The following VDAC3 variants were observed in gnomAD, a reference collection of about 807,000 sequenced individuals.
VDAC3 encodes non-selective voltage-gated ion channel VDAC3.
In VDAC3, 7 loss-of-function variants were observed where a neutral mutation model predicts 33.9. The ratio of observed to expected loss-of-function variants is 0.21; its 90% CI spans 0.12 to 0.39. VDAC3 has a LOEUF of 0.39. Ranked by LOEUF, VDAC3 falls within the 10% of genes least tolerant of loss-of-function variation. The probability of loss-of-function intolerance (pLI) is 1.00; values close to 1 mark genes in which losing one functional copy is unlikely to be tolerated. For synonymous variants in VDAC3, 100 were observed against 122.4 expected, an observed-to-expected ratio of 0.82 and a Z score of 1.21; for missense variants, 261 against 334.5, an observed-to-expected ratio of 0.78 and a Z score of 1.71.
intron 1 of VDAC3, among the ~76,000 whole-genome samples, chr8:42,392,850 C>A (rs1824894202): frequency 6.6e-6 from 1 of 152,154 alleles, no homozygotes; most frequent in Non-Finnish European, 1.5e-5. Flanking sequence ...TTACAGACTT[C>A]TGGCAAAATT....
chr8:42,398,091 T>G (rs1455839622), intron 4 of VDAC3, among the ~76,000 whole-genome samples: 1 of 152,258 alleles, frequency 6.6e-6, no homozygotes, highest in East Asian at 1.9e-4. Flanking sequence ...AATCTTTTTT[T>G]AGGTCATGAA....
chr8:42,405,797 T>G lies in VDAC3; in HGVS notation c.*335T>G, dbSNP rs1802491318. 4.7e-6 allele frequency: 1 copy of G among 213,788 alleles called. No individual in the cohort carries two copies. Among genetic ancestry groups the G allele is most frequent in the East Asian group, 1.3e-4 (1 of 7,960 alleles). The allele number at this position is 213,788 out of a possible 1,614,324, so 13.2% of individuals were successfully genotyped here. A position where few individuals can be genotyped will look rare whatever the true frequency, so the allele number is the denominator to read the frequency against. ...ATCACGTCCTGCATGTCCCACACCA[T>G]TTTTTCATGACCTTGTAATATACTG... On this transcript the variant is annotated 3_prime_UTR_variant, in exon 10 of 10. Transcript: ENST00000022615.
rs751166333 is a variant in VDAC3 at position 42,398,863 on chromosome 8, A to C, written c.269A>C (p.Lys90Thr). Residue 90 changes from lysine to threonine, a missense_variant and splice_region_variant, in exon 5 of 10, where the codon AAG (lysine) becomes ACG (threonine). Physicochemically the swap from Lys to Thr is moderately conservative, Grantham distance 78. Transcript: ENST00000022615. The stretch of plus-strand genomic sequence containing the variant: ...GGGACAGAAATCTCTTGGGAGAATA[A>C]GGTAAGAGAACGCATTAGAAGTTAT... The part of the protein sequence containing the change: ...TLGTEISWEN[K>T]LAEGLKLTLD... 1 of 1,613,470 alleles carries C rather than the reference A, an allele frequency of 6.2e-7. No homozygotes were observed. The highest frequency in any genetic ancestry group is 8.5e-7 in the Non-Finnish European group (1 of 1,179,830).
chr8:42,403,276 A>G (rs1478288435), intron 7 of VDAC3, 35 bp from the exon 8 acceptor site: 1 of 1,611,676 alleles, frequency 6.2e-7, no homozygotes, highest in Non-Finnish European at 8.5e-7. Flanking sequence ...GGTACAAACT[A>G]GATATTTATG....
Position 42,394,277 on chromosome 8 carries a change from T to C in VDAC3, c.66T>C (p.Tyr22=). ...CTAAGGATGTCTTCAACAAAGGATA[T>C]GGTAAGTATGCTATTGTAACTTTCC... ...KAAKDVFNKG[Y]GFGMVKIDLK... is the part of the protein sequence containing the mutation. The change falls in exon 3 of 10, where the codon TAT becomes TAC. Residue 22 remains tyrosine, a splice_region_variant and synonymous_variant. Transcript: ENST00000022615. The C allele has an allele frequency of 1.9e-6, 3 of 1,613,124 alleles. No homozygotes were observed. The highest frequency in any genetic ancestry group is 2.5e-6 in the Non-Finnish European group (3 of 1,179,392).
chr8:42,404,658 G>T (rs1039824243), intron 8 of VDAC3, among the ~76,000 whole-genome samples: 8 of 150,338 alleles, frequency 5.3e-5, no homozygotes, highest in Non-Finnish European at 7.4e-5. Context: ...GGAAGCGGAG[G>T]TTGCAGTGAG....
At chr8:42,404,254 C>T (rs1802464540) in intron 8 of VDAC3, among the ~76,000 whole-genome samples, 1 of 152,126 alleles carries the variant, frequency 6.6e-6, no homozygotes. Context: ...ACAATTGAAC[C>T]TAGGTCTGTT....
chr8:42,401,428 C>G (rs890386424), intron 6 of VDAC3, among the ~76,000 whole-genome samples: 1 of 152,196 alleles, frequency 6.6e-6, no homozygotes, highest in African/African-American at 2.4e-5. Context: ...ATCTCCTGGC[C>G]TCGTCATCCG....
chr8:42,395,155 A>G (rs1000638835), intron 4 of VDAC3, 22 bp downstream of exon 4: 3 of 1,613,442 alleles, frequency 1.9e-6, no homozygotes, highest in African/African-American at 1.3e-5. Context: ...ATATATTTTT[A>G]ATGAATGTAA....
intron 4 of VDAC3, among the ~76,000 whole-genome samples, chr8:42,397,817 A>G (rs1802342733): frequency 6.6e-6 from 1 of 152,248 alleles, no homozygotes; most frequent in Non-Finnish European, 1.5e-5. Flanking sequence ...GAAATTGTCT[A>G]AGCAGAAGTT....
At chr8:42,392,422 C>A (rs1824886428) in intron 1 of VDAC3, among the ~76,000 whole-genome samples, 1 of 152,246 alleles carries the variant, frequency 6.6e-6, no homozygotes, top group African/African-American at 2.4e-5. Flanking sequence ...CTCCTGCAGC[C>A]TCTGTGCAGT....
chr8:42,393,363 G>C (rs1222856188), intron 1 of VDAC3, among the ~76,000 whole-genome samples: 2 of 152,168 alleles, frequency 1.3e-5, no homozygotes, highest in African/African-American at 4.8e-5. Flanking sequence ...GCTAGAGGTG[G>C]CTCTGTAATT....
chr8:42,394,215 T>C lies in VDAC3; in HGVS notation c.4T>C (p.Cys2Arg), dbSNP rs201639978. The C allele has an allele frequency of 1.2e-6, 2 of 1,613,556 alleles. No individual in the cohort carries two copies. The highest frequency in any genetic ancestry group is 2.7e-5 in the African/African-American group (2 of 74,908). Reference sequence around the variant, plus strand: ...GCCCTGTTTTTCTTTATAAGATATGTGTAACACACCAACGTACTGTGACCT... The same window carrying C: ...GCCCTGTTTTTCTTTATAAGATATGCGTAACACACCAACGTACTGTGACCT... M[C>R]NTPTYCDLGK... Residue 2 changes from cysteine to arginine, a missense_variant, in exon 3 of 10, where the codon TGT (cysteine) becomes CGT (arginine). Coordinates refer to ENST00000022615, the MANE Select transcript of VDAC3 (RefSeq NM_005662.7).
Position 42,394,252 on chromosome 8 carries a change from C to G in VDAC3, c.41C>G (p.Ala14Gly), listed in dbSNP as rs377007726. 2 of 1,613,484 alleles carry G rather than the reference C, an allele frequency of 1.2e-6. No homozygotes were observed. The highest frequency in any genetic ancestry group is 1.7e-6 in the Non-Finnish European group (2 of 1,179,686). ...ACGTACTGTGACCTAGGAAAGGCTGCTAAGGATGTCTTCAACAAAGGATAT... is the reference window on the plus strand; with the variant it reads ...ACGTACTGTGACCTAGGAAAGGCTGGTAAGGATGTCTTCAACAAAGGATAT... The part of the protein sequence containing the change: ...TPTYCDLGKA[A>G]KDVFNKGYGF... The change falls in exon 3 of 10, where the codon GCT (alanine) becomes GGT (glycine). Residue 14 changes from alanine to glycine, a missense_variant. Physicochemically the swap from Ala to Gly is moderately conservative, Grantham distance 60. Coordinates refer to ENST00000022615, the MANE Select transcript of VDAC3 (RefSeq NM_005662.7).
At position 42,393,712 on chromosome 8, in the gene VDAC3, G is replaced by A. The variant is rs575981242; in HGVS notation, c.-42-133G>A. On this transcript the variant is annotated intron_variant, in intron 1 of 9. Transcript: ENST00000022615. ...CTTTGAGAGAAGATATATTCTAGATGAATACACTTCAATTCGTATGGTAAA... is the reference window on the plus strand; with the variant it reads ...CTTTGAGAGAAGATATATTCTAGATAAATACACTTCAATTCGTATGGTAAA... 893 of 391,412 alleles carry A rather than the reference G, an allele frequency of 2.3e-3. 4 individuals are homozygous for A. The highest frequency in any genetic ancestry group is 0.017 in the African/African-American group (823 of 48,564). The allele number at this position is 391,412 out of a possible 1,614,324, so 24.2% of individuals were successfully genotyped here. A position where few individuals can be genotyped will look rare whatever the true frequency, so the allele number is the denominator to read the frequency against.
intron 8 of VDAC3, among the ~76,000 whole-genome samples, chr8:42,403,909 G>C (rs906544073): frequency 2.6e-5 from 4 of 151,080 alleles, no homozygotes; most frequent in Non-Finnish European, 4.4e-5. Context: ...TATGCTTGAC[G>C]TCAGGAAATA....
intron 7 of VDAC3, among the ~76,000 whole-genome samples, chr8:42,402,641 G>A (rs1342170173): frequency 1.3e-5 from 2 of 152,080 alleles, no homozygotes; most frequent in Admixed American, 1.3e-4. Context: ...AAAAGCAAAG[G>A]GCAAACTATG....
intron 2 of VDAC3, 94 bp from the exon 3 acceptor site, chr8:42,394,116 T>A: frequency 1.8e-6 from 2 of 1,087,638 alleles, no homozygotes; most frequent in South Asian, 2.5e-5. Flanking sequence ...GAAAACTGTA[T>A]ACCCCTTCTC....
At chr8:42,398,916 G>A in intron 5 of VDAC3, 52 bp downstream of exon 5, 1 of 1,595,604 alleles carries the variant, frequency 6.3e-7, no homozygotes. Context: ...CTTGTAGATT[G>A]AATGATGAAC....
Sources: gnomAD v4.1 joint callset for allele counts (sites outside exome capture counted in the v4.1 genomes callset) on GRCh38, gnomAD v4.1.1 for gene constraint, MANE v1.5 for transcripts, NCBI Gene and HGNC (gene_info 2026-07-23, HGNC 2026-07-21) for gene names.